The following SP140L variants were observed in gnomAD, a reference collection of about 807,000 sequenced individuals.
SP140L encodes nuclear body protein SP140-like protein.
SP140L carries 64 observed loss-of-function variants against 84.3 expected under a neutral mutation model. The ratio of observed to expected loss-of-function variants is 0.76; its 90% CI spans 0.62 to 0.94. The LOEUF (loss-of-function observed/expected upper bound fraction) is 0.94, where lower values mean the gene tolerates loss of function less well. Among genes scored for constraint, SP140L ranks in the 40% least tolerant of loss-of-function variants. The pLI, the probability that SP140L is intolerant of heterozygous loss-of-function variation, is 0.00. For synonymous variants in SP140L, 242 were observed against 236.9 expected, an observed-to-expected ratio of 1.02 and a Z score of -0.20; for missense variants, 628 against 692.5, an observed-to-expected ratio of 0.91 and a Z score of 1.05.
intron 2 of SP140L, among the ~76,000 whole-genome samples, chr2:230,347,784 T>C (rs1176474878): frequency 6.6e-6 from 1 of 152,224 alleles, no homozygotes; most frequent in Non-Finnish European, 1.5e-5. Flanking sequence ...GATTGCTGAC[T>C]AGGCACCCAA....
chr2:230,386,892 C>A (rs1192445626), intron 9 of SP140L, among the ~76,000 whole-genome samples: 3 of 152,160 alleles, frequency 2.0e-5, no homozygotes, highest in Non-Finnish European at 4.4e-5. Flanking sequence ...CCAAGCCTGG[C>A]TGGAATATAG....
intron 14 of SP140L, among the ~76,000 whole-genome samples, chr2:230,398,988 G>C (rs1178681970): frequency 6.6e-6 from 1 of 152,230 alleles, no homozygotes. Flanking sequence ...TGCAGGAGCA[G>C]AGCCGGCGGA....
chr2:230,370,849 G>A (rs563731026), intron 5 of SP140L, 59 bp from the exon 6 acceptor site: 139 of 1,553,892 alleles, frequency 8.9e-5, no homozygotes, highest in East Asian at 4.1e-4. Flanking sequence ...ATTTTGCCCC[G>A]GGAGCAGAGC....
intron 6 of SP140L, 90 bp downstream of exon 6, chr2:230,371,057 G>C: frequency 8.7e-7 from 1 of 1,152,786 alleles, no homozygotes; most frequent in Admixed American, 1.9e-5. Flanking sequence ...AGTCCGCCCA[G>C]AATCCTGTTC....
chr2:230,370,265 G>C (rs1193563717), intron 5 of SP140L, among the ~76,000 whole-genome samples: 1 of 152,090 alleles, frequency 6.6e-6, no homozygotes, highest in Non-Finnish European at 1.5e-5. Context: ...TTTTTCCAGA[G>C]AGCACTTCAC....
chr2:230,397,941 C>T (rs149669034), intron 14 of SP140L, among the ~76,000 whole-genome samples: 1 of 152,198 alleles, frequency 6.6e-6, no homozygotes, highest in East Asian at 1.9e-4. Context: ...GAAAACAGAT[C>T]CAGCAAAGGT....
At chr2:230,354,510 G>A (rs74835145) in intron 2 of SP140L, among the ~76,000 whole-genome samples, 14,080 of 152,214 alleles carry the variant, frequency 0.093, 828 homozygotes, top group Middle Eastern at 0.15. Flanking sequence ...GCTAACAGCT[G>A]TGATCCCAAT....
chr2:230,361,593 C>A (rs1302225929), intron 4 of SP140L, 21 bp from the exon 5 acceptor site: 1 of 1,544,804 alleles, frequency 6.5e-7, no homozygotes, highest in Admixed American at 2.0e-5. Flanking sequence ...TAATTGCTTT[C>A]TTCTCTCTCC....
At chr2:230,345,072 A>G (rs1353287259) in intron 2 of SP140L, among the ~76,000 whole-genome samples, 1 of 152,178 alleles carries the variant, frequency 6.6e-6, no homozygotes, top group Non-Finnish European at 1.5e-5. Flanking sequence ...TGTCTGATTC[A>G]TCTGTCATTG....
intron 2 of SP140L, among the ~76,000 whole-genome samples, chr2:230,353,673 A>T (rs1037095456): frequency 6.6e-6 from 1 of 152,092 alleles, no homozygotes. Context: ...AATATCATCA[A>T]TATTGACGAT....
At chr2:230,343,900 A>G (rs73110331) in intron 2 of SP140L, among the ~76,000 whole-genome samples, 1 of 151,974 alleles carries the variant, frequency 6.6e-6, no homozygotes, top group Non-Finnish European at 1.5e-5. Flanking sequence ...TGTTATGATT[A>G]CTGTTTTTTT....
At chr2:230,328,935 T>C in intron 2 of SP140L, 104 bp downstream of exon 2, 1 of 1,438,322 alleles carries the variant, frequency 7.0e-7, no homozygotes, top group South Asian at 1.5e-5. Context: ...TCTTCCATAA[T>C]TTTTTTGTTT....
chr2:230,329,394 C>T lies in SP140L; in HGVS notation c.107+563C>T, dbSNP rs2059665944. 2.0e-5 allele frequency among the ~76,000 whole-genome samples: 3 copies of T among 152,180 alleles called. No individual in the cohort carries two copies. The South Asian group carries it at 6.2e-4, about 32-fold the overall frequency. ...TTTTCAGTTTTTTACTTTGAGTTCA[C>T]AATAGTTGTCTCAAACTTTTCCTCC... On this transcript the variant is annotated intron_variant, in intron 2 of 18. Coordinates refer to ENST00000415673, the MANE Select transcript of SP140L (RefSeq NM_138402.6).
At chr2:230,385,063 G>A (rs2061528964) in intron 8 of SP140L, among the ~76,000 whole-genome samples, 161 bp from the exon 9 acceptor site, 2 of 152,174 alleles carry the variant, frequency 1.3e-5, no homozygotes, top group African/African-American at 4.8e-5. Context: ...AATTCTGTGT[G>A]TAATTTAGAA....
intron 2 of SP140L, among the ~76,000 whole-genome samples, chr2:230,330,354 C>CTTCTTA (rs1269675326): frequency 2.6e-5 from 4 of 152,192 alleles, no homozygotes; most frequent in South Asian, 2.1e-4. Context: ...TTCTCTGCCC[C>CTTCTTA]TGGCCTGTAA....
At chr2:230,390,332 A>G (rs2061749322) in intron 11 of SP140L, among the ~76,000 whole-genome samples, 1 of 152,184 alleles carries the variant, frequency 6.6e-6, no homozygotes, top group East Asian at 1.9e-4. Context: ...GAGGCCCTCA[A>G]CCTCAAGCTT....
chr2:230,356,062 A>G (rs1315188874), intron 2 of SP140L, among the ~76,000 whole-genome samples: 1 of 152,216 alleles, frequency 6.6e-6, no homozygotes, highest in Non-Finnish European at 1.5e-5. Flanking sequence ...AAACACATGA[A>G]AACATGCTTG....
chr2:230,399,971 GA>G, intron 14 of SP140L, 155 bp from the exon 15 acceptor site: 2 of 665,790 alleles, frequency 3.0e-6, no homozygotes, highest in Middle Eastern at 4.4e-4. Flanking sequence ...GATTTGTTCT[GA>G]AATCTCCATG....
intron 7 of SP140L, among the ~76,000 whole-genome samples, chr2:230,381,711 T>TACACAC (rs71052506): frequency 2.4e-3 from 360 of 147,134 alleles, no homozygotes; most frequent in South Asian, 4.1e-3. Context: ...CCTGTCTCTC[T>TACACAC]ACACACACAC....
Sources: gnomAD v4.1 joint callset for allele counts (sites outside exome capture counted in the v4.1 genomes callset) on GRCh38, gnomAD v4.1.1 for gene constraint, MANE v1.5 for transcripts, NCBI Gene and HGNC (gene_info 2026-07-23, HGNC 2026-07-21) for gene names.